GNAO1: variants seen among roughly 807,000 people sequenced by gnomAD.
The protein encoded by GNAO1 is guanine nucleotide-binding protein G(o) subunit alpha.
For missense variants in GNAO1, 166 were observed against 478.7 expected, an observed-to-expected ratio of 0.35 and a Z score of 6.10; for synonymous variants, 164 against 180.7, an observed-to-expected ratio of 0.91 and a Z score of 0.74.
At position 56,311,664 on chromosome 16, in the gene GNAO1, C is replaced by T. The variant is rs768728080; in HGVS notation, c.304-16967C>T. Among the ~76,000 whole-genome samples, 8 of 152,080 alleles carry T rather than the reference C, an allele frequency of 5.3e-5. No individual in the cohort carries two copies. Among genetic ancestry groups the T allele is most frequent in the Admixed American group, 6.5e-5 (1 of 15,284 alleles). On this transcript the variant is annotated intron_variant, in intron 3 of 8. Transcript: ENST00000262493. The surrounding 1 kb of genome is among the most constrained non-coding windows in gnomAD (Gnocchi z 5.2). ...TGACATAGCTTGGCAGATGAGTCCC[C>T]GGAGGCTTGGCTCAGCCCCTGACCC...
At position 56,351,745 on chromosome 16, in the gene GNAO1, C is replaced by A; in HGVS notation, c.877+208C>A. 2 of 565,550 alleles carry A rather than the reference C, an allele frequency of 3.5e-6. No homozygotes were observed. The highest frequency in any genetic ancestry group is 6.3e-6 in the Non-Finnish European group (2 of 315,786). The allele number at this position is 565,550 out of a possible 1,614,324, so 35.0% of individuals were successfully genotyped here. A position where few individuals can be genotyped will look rare whatever the true frequency, so the allele number is the denominator to read the frequency against. ...AGCCCTCAGCGTGGTGGAAATGGCC[C>A]CTCCTAAGATATATGTGTTAGGACC... On this transcript the variant is annotated intron_variant, in intron 7 of 8. Coordinates refer to ENST00000262493, the MANE Select transcript of GNAO1 (RefSeq NM_020988.3). This position sits in a 1 kb window ranked among gnomAD's most constrained non-coding sequence, Gnocchi z 6.1.
chr16:56,222,001 A>G (rs2036493740), intron 2 of GNAO1, among the ~76,000 whole-genome samples: 1 of 152,202 alleles, frequency 6.6e-6, no homozygotes, highest in Non-Finnish European at 1.5e-5. Flanking sequence ...TGGGATGTTG[A>G]GGGAAACTTA....
intron 2 of GNAO1, among the ~76,000 whole-genome samples, chr16:56,269,384 G>C (rs1214208479): frequency 6.6e-6 from 1 of 152,112 alleles, no homozygotes; most frequent in South Asian, 2.1e-4. Flanking sequence ...TCTTCCTCAA[G>C]AGGACAGACG....
At chr16:56,340,109 T>G (rs1470013788) in intron 6 of GNAO1, among the ~76,000 whole-genome samples, 1 of 152,166 alleles carries the variant, frequency 6.6e-6, no homozygotes, top group Non-Finnish European at 1.5e-5. Flanking sequence ...AACCAATTTT[T>G]CAGTATTTTT....
In GNAO1 at chr16:56,334,898, G is replaced by A. The variant is rs367963213; in HGVS notation, c.593+41G>A. On this transcript the variant is annotated intron_variant, in intron 5 of 8. Coordinates refer to ENST00000262493, the MANE Select transcript of GNAO1 (RefSeq NM_020988.3). The stretch of plus-strand genomic sequence containing the variant: ...GCCCCCAGGCCCTGGCGAGGGCTAA[G>A]ATGGGACATGCCCAGCCTCTCAGCG... 12 of 1,607,078 alleles carry A rather than the reference G, an allele frequency of 7.5e-6. No homozygotes were observed. The African/African-American group carries it at 1.5e-4, about 20-fold the overall frequency.
At chr16:56,197,285 T>C (rs1158505849) in intron 2 of GNAO1, among the ~76,000 whole-genome samples, 2 of 152,234 alleles carry the variant, frequency 1.3e-5, no homozygotes, top group African/African-American at 4.8e-5. Context: ...ATTTCTGCAG[T>C]CATCTCAATG....
intron 2 of GNAO1, among the ~76,000 whole-genome samples, chr16:56,236,271 G>A (rs1321205260): frequency 3.9e-5 from 6 of 152,194 alleles, no homozygotes; most frequent in African/African-American, 1.4e-4. Context: ...CATAGTAGAT[G>A]TGTTGGAGAA....
At chr16:56,203,299 C>T (rs1473378056) in intron 2 of GNAO1, among the ~76,000 whole-genome samples, 1 of 152,108 alleles carries the variant, frequency 6.6e-6, no homozygotes, top group Non-Finnish European at 1.5e-5. Context: ...CACAGCATCT[C>T]ATTCCTCTGG....
At chr16:56,230,169 G>A (rs576524004) in intron 2 of GNAO1, among the ~76,000 whole-genome samples, 68 of 152,268 alleles carry the variant, frequency 4.5e-4, no homozygotes, top group African/African-American at 1.5e-3. Context: ...CATGTACTGC[G>A]GGAGTGGCAT....
At chr16:56,334,688 A>C in intron 4 of GNAO1, 41 bp from the exon 5 acceptor site, 4 of 1,610,350 alleles carry the variant, frequency 2.5e-6, no homozygotes, top group Non-Finnish European at 2.5e-6. Context: ...AACAGTGTCC[A>C]GGCATTTGGT....
intron 2 of GNAO1, among the ~76,000 whole-genome samples, chr16:56,272,086 C>G (rs577131244): frequency 6.6e-6 from 1 of 152,228 alleles, no homozygotes; most frequent in Admixed American, 6.5e-5. Flanking sequence ...ATTCAGTGTT[C>G]TTCTGAGTTT....
At chr16:56,352,768 G>A (rs2037936321) in intron 7 of GNAO1, 1 of 152,326 alleles carries the variant, frequency 6.6e-6, no homozygotes, top group African/African-American at 2.4e-5. Context: ...GAATTTGCAA[G>A]GTTCTTGCCC....
At chr16:56,219,890 G>C (rs1046329958) in intron 2 of GNAO1, among the ~76,000 whole-genome samples, 2 of 152,156 alleles carry the variant, frequency 1.3e-5, no homozygotes. Context: ...TAAGGTTCTG[G>C]ACTCTCTAAA....
At chr16:56,288,570 G>A (rs1201418079) in intron 3 of GNAO1, among the ~76,000 whole-genome samples, 2 of 152,354 alleles carry the variant, frequency 1.3e-5, no homozygotes, top group East Asian at 3.9e-4. Flanking sequence ...GGAAAAGTCA[G>A]GGAGGTGGGA....
intron 3 of GNAO1, among the ~76,000 whole-genome samples, chr16:56,304,772 T>A (rs1362782826): frequency 6.6e-6 from 1 of 152,246 alleles, no homozygotes; most frequent in Non-Finnish European, 1.5e-5. Flanking sequence ...TGACTCAGTT[T>A]CAGAGTTTCA....
At chr16:56,272,874 A>G (rs762778550) in intron 2 of GNAO1, among the ~76,000 whole-genome samples, 3 of 152,162 alleles carry the variant, frequency 2.0e-5, no homozygotes, top group Non-Finnish European at 4.4e-5. Context: ...GCTGGTCCCA[A>G]ATGAAGCATG....
intron 3 of GNAO1, among the ~76,000 whole-genome samples, chr16:56,286,438 G>A (rs996024602): frequency 6.6e-6 from 1 of 152,142 alleles, no homozygotes; most frequent in Non-Finnish European, 1.5e-5. Context: ...CACATGTGGG[G>A]AGTGGGGGCT....
chr16:56,241,849 C>T (rs1364196062), intron 2 of GNAO1, among the ~76,000 whole-genome samples: 4 of 152,316 alleles, frequency 2.6e-5, no homozygotes, highest in Admixed American at 6.5e-5. Context: ...GTCCCAGTTA[C>T]GAGCCTGTGG....
chr16:56,208,751 ATATT>A (rs2036356364), intron 2 of GNAO1, among the ~76,000 whole-genome samples: 1 of 152,074 alleles, frequency 6.6e-6, no homozygotes, highest in African/African-American at 2.4e-5. Context: ...AGCTTTTCCT[ATATT>A]TATTGGACAT....
Sources: allele counts gnomAD v4.1 joint callset (sites outside exome capture counted in the v4.1 genomes callset), GRCh38; gene constraint gnomAD v4.1.1; non-coding constraint Gnocchi (gnomAD v3.1); transcripts MANE v1.5; gene names NCBI Gene and HGNC (gene_info 2026-07-23, HGNC 2026-07-21).